PTGER3: variants seen among roughly 807,000 people sequenced by gnomAD.
The protein encoded by PTGER3 is prostaglandin E receptor 3.
PTGER3 carries 22 observed loss-of-function variants against 34.7 expected under a neutral mutation model. The observed-to-expected ratio is 0.63, with a 90% CI of 0.45 to 0.91. The LOEUF is 0.91. Among genes scored for constraint, PTGER3 ranks in the 40% least tolerant of loss-of-function variants. The pLI, the probability that PTGER3 is intolerant of heterozygous loss-of-function variation, is 0.00. For synonymous variants in PTGER3, 241 were observed against 230.1 expected (o/e 1.05, Z -0.43); for missense variants, 468 against 519.4 (o/e 0.90, Z 0.96).
At chr1:71,016,532 G>A (rs1657913370) in intron 1 of PTGER3, among the ~76,000 whole-genome samples, 1 of 152,136 alleles carries the variant, frequency 6.6e-6, no homozygotes, top group Non-Finnish European at 1.5e-5. Context: ...GCCAGGTGTG[G>A]TGGCTCATGC....
intron 4 of PTGER3, among the ~76,000 whole-genome samples, chr1:70,903,296 T>C (rs1646879420): frequency 6.6e-6 from 1 of 152,180 alleles, no homozygotes; most frequent in African/African-American, 2.4e-5. Context: ...GAAAATAGTT[T>C]TGGGTAGTTT....
intron 2 of PTGER3, chr1:71,007,712 A>G (rs1277328967): frequency 1.1e-5 from 11 of 985,146 alleles, no homozygotes; most frequent in Non-Finnish European, 1.3e-5. Flanking sequence ...TTCTACAGAC[A>G]TGGAAAACTG....
chr1:70,927,991 T>C lies in PTGER3; in HGVS notation c.*23+25772A>G, dbSNP rs559281965. 2.6e-5 allele frequency among the ~76,000 whole-genome samples: 4 copies of C among 152,146 alleles called. No homozygotes were observed. The South Asian group carries it at 6.2e-4, about 24-fold the overall frequency. The stretch of plus-strand genomic sequence containing the variant: ...AATTCTAATGGTTAGATGGATATCA[T>C]TTTTCATTCCACAAATACTGAGCAA... On this transcript the variant is annotated intron_variant, in intron 4 of 4. Coordinates refer to the PTGER3 transcript ENST00000370931.
intron 3 of PTGER3, among the ~76,000 whole-genome samples, chr1:70,973,015 A>G (rs993556352): frequency 1.4e-5 from 2 of 145,976 alleles, no homozygotes; most frequent in Non-Finnish European, 3.0e-5. Context: ...ATGGAGTTAG[A>G]GTGAACCTAC....
At chr1:70,921,905 C>T (rs1261113102) in intron 4 of PTGER3, among the ~76,000 whole-genome samples, 2 of 152,176 alleles carry the variant, frequency 1.3e-5, no homozygotes, top group Middle Eastern at 6.8e-3. Flanking sequence ...AAAATAAGTT[C>T]TAAATCAAAT....
chr1:71,015,626 T>C (rs1657824418), intron 1 of PTGER3, among the ~76,000 whole-genome samples: 1 of 152,218 alleles, frequency 6.6e-6, no homozygotes, highest in South Asian at 2.1e-4. Flanking sequence ...CCAGTGTTGA[T>C]AAGTCAACAG....
intron 4 of PTGER3, among the ~76,000 whole-genome samples, chr1:70,889,276 G>A (rs367711962): frequency 5.3e-5 from 8 of 151,744 alleles, no homozygotes; most frequent in South Asian, 2.1e-4. Flanking sequence ...TTAGCCAGGC[G>A]TGGTGGCGGG....
chr1:70,858,942 T>A (rs1243134845), intron 4 of PTGER3, among the ~76,000 whole-genome samples: 1 of 152,256 alleles, frequency 6.6e-6, no homozygotes, highest in Non-Finnish European at 1.5e-5. Flanking sequence ...TTTTTAATAT[T>A]TGAATAGACT....
chr1:70,928,131 A>T (rs377507635), intron 4 of PTGER3, among the ~76,000 whole-genome samples: 38 of 77,774 alleles, frequency 4.9e-4, no homozygotes, highest in Admixed American at 3.1e-3. Context: ...ATATATATAT[A>T]TTTATATATA....
intron 4 of PTGER3, among the ~76,000 whole-genome samples, chr1:70,911,427 A>AT (rs1647059271): frequency 6.6e-6 from 1 of 152,160 alleles, no homozygotes; most frequent in South Asian, 2.1e-4. Flanking sequence ...TCTTAAAGAA[A>AT]TGTTTTCTCC....
intron 2 of PTGER3, among the ~76,000 whole-genome samples, chr1:71,002,885 C>T (rs913477774): frequency 2.0e-4 from 30 of 152,286 alleles, no homozygotes; most frequent in African/African-American, 7.0e-4. Context: ...ACTCACAGAC[C>T]ACTGCTGACT....
chr1:70,871,102 T>A (rs1262751596), intron 4 of PTGER3, among the ~76,000 whole-genome samples: 3 of 152,100 alleles, frequency 2.0e-5, no homozygotes, highest in African/African-American at 7.2e-5. Context: ...TAATTTATTT[T>A]AAAAAAAGGT....
intron 4 of PTGER3, among the ~76,000 whole-genome samples, chr1:70,921,370 A>G (rs1647504823): frequency 6.6e-6 from 1 of 152,164 alleles, no homozygotes; most frequent in South Asian, 2.1e-4. Context: ...ATCTTGCCTC[A>G]GGCAATGCTT....
chr1:70,915,055 C>T (rs559902934), intron 4 of PTGER3, among the ~76,000 whole-genome samples: 35 of 152,022 alleles, frequency 2.3e-4, no homozygotes, highest in African/African-American at 8.2e-4. Flanking sequence ...ACTGACCTTG[C>T]TTTAACCTCT....
chr1:70,981,376 TTTCTTTCTTTCTTTCTTTCCTTCC>T (rs1325959645), intron 2 of PTGER3, among the ~76,000 whole-genome samples: 45 of 92,118 alleles, frequency 4.9e-4, no homozygotes, highest in South Asian at 3.5e-3. Context: ...TCTTTCTTTC[TTTCTTTCTTTCTTTCTTTCCTTCC>T]TTCCTTCCTT....
intron 4 of PTGER3, among the ~76,000 whole-genome samples, chr1:70,877,761 G>T (rs1646304129): frequency 6.6e-6 from 1 of 152,054 alleles, no homozygotes; most frequent in Non-Finnish European, 1.5e-5. Flanking sequence ...GTTTTAATTT[G>T]TGTATGTTTA....
chr1:71,006,258 C>T lies in PTGER3; in HGVS notation c.1077+6047G>A, dbSNP rs1029740034. The T allele has an allele frequency of 1.1e-5, 11 of 985,398 alleles. No homozygotes were observed. The African/African-American group carries it at 1.2e-4, about 11-fold the overall frequency. 61.0% of individuals were successfully genotyped at this position (985,398 alleles called of 1,614,324 possible). A position where few individuals can be genotyped will look rare whatever the true frequency, so the allele number is the denominator to read the frequency against. On this transcript the variant is annotated intron_variant, in intron 2 of 3. Transcript: ENST00000306666. ...TGGGAGGAACCAGGGACAGAATTCT[C>T]CTTGGATATCTTTTCTCACGAAGAA...
intron 4 of PTGER3, among the ~76,000 whole-genome samples, chr1:70,915,270 G>A (rs1647149406): frequency 1.3e-5 from 2 of 151,802 alleles, no homozygotes; most frequent in African/African-American, 4.8e-5. Context: ...GAATTCTGAG[G>A]AGAGTTGTCT....
At chr1:70,876,074 C>A (rs1646266309) in intron 4 of PTGER3, among the ~76,000 whole-genome samples, 1 of 152,096 alleles carries the variant, frequency 6.6e-6, no homozygotes, top group Admixed American at 6.6e-5. Context: ...TAAACGTTTC[C>A]TTTTCTCCAC....
Sources: gnomAD v4.1 joint callset for allele counts (sites outside exome capture counted in the v4.1 genomes callset) on GRCh38, gnomAD v4.1.1 for gene constraint, MANE v1.5 for transcripts, NCBI Gene and HGNC (gene_info 2026-07-23, HGNC 2026-07-21) for gene names.